The following KIAA0232 variants were observed in gnomAD, a reference collection of about 807,000 sequenced individuals.
KIAA0232 encodes KIAA0232, also known as uncharacterized protein KIAA0232.
In KIAA0232, 27 loss-of-function variants were observed where a neutral mutation model predicts 122.0. The observed-to-expected ratio is 0.22, with a 90% confidence interval of 0.16 to 0.31. The LOEUF is 0.31. KIAA0232 is among the 10% of genes least tolerant of loss of function. KIAA0232 has a pLI of 1.00. For missense variants in KIAA0232, 1,551 were observed against 1,634.2 expected, an observed-to-expected ratio of 0.95 and a Z score of 0.88; for synonymous variants, 613 against 587.6, an observed-to-expected ratio of 1.04 and a Z score of -0.63.
rs778787634 is a variant in KIAA0232 at position 6,861,349 on chromosome 4, C to G, written c.967C>G (p.Arg323Gly). The change falls in exon 7 of 10, where the codon CGA (arginine) becomes GGA (glycine). Residue 323 changes from arginine to glycine, a missense_variant. By Grantham distance (125) the Arg-to-Gly change is moderately radical (BLOSUM62 -2). Transcript: ENST00000307659. Reference sequence around the variant, plus strand: ...AGTAAGACACAAGGCACGAGAGATTCGAAACAAAAAAGGGCGGAATGGGCA... The same window carrying G: ...AGTAAGACACAAGGCACGAGAGATTGGAAACAAAAAAGGGCGGAATGGGCA... ...VKVRHKAREIRNKKGRNGQSR... is the reference protein window; with the variant it reads ...VKVRHKAREIGNKKGRNGQSR... 1.4e-5 allele frequency: 22 copies of G among 1,613,736 alleles called. No individual in the cohort carries two copies. The East Asian group carries it at 1.8e-4, about 13-fold the overall frequency.
chr4:6,794,751 G>A (rs952359544), intron 1 of KIAA0232, among the ~76,000 whole-genome samples: 1 of 152,182 alleles, frequency 6.6e-6, no homozygotes, highest in African/African-American at 2.4e-5. Flanking sequence ...GCTGATGGAC[G>A]AGATGTGGGA....
In KIAA0232 at chr4:6,862,302, A is replaced by G. The variant is rs1720920139; in HGVS notation, c.1920A>G (p.Glu640=). 1.5e-5 allele frequency: 24 copies of G among 1,614,088 alleles called. No homozygotes were observed. The highest frequency in any genetic ancestry group is 6.7e-5 in the Admixed American group (4 of 60,008). ...GNQELFSDIN[E]GSGINSCFSV... ...AAGAGCTCTTTTCAGATATTAATGAAGGATCTGGTATAAACTCTTGTTTTT... is the reference window on the plus strand; with the variant it reads ...AAGAGCTCTTTTCAGATATTAATGAGGGATCTGGTATAAACTCTTGTTTTT... Residue 640 remains glutamate (E), a synonymous_variant, in exon 7 of 10, where the codon GAA becomes GAG. Coordinates refer to ENST00000307659, the MANE Select transcript of KIAA0232 (RefSeq NM_014743.3).
At chr4:6,825,354 C>A (rs548888005) in intron 3 of KIAA0232, among the ~76,000 whole-genome samples, 1 of 152,198 alleles carries the variant, frequency 6.6e-6, no homozygotes, top group East Asian at 1.9e-4. Context: ...AGTTTGAGAC[C>A]AGCCTTGGCA....
At position 6,853,034 on chromosome 4, in the gene KIAA0232, A is replaced by T. The variant is rs1023335800; in HGVS notation, c.370-4130A>T. ...GTTACTTTCTGGAGAGATTAAGTAG[A>T]CAGCTTCTGGACTTTGGGATACTAG... is the stretch of plus-strand genomic sequence containing the variant. On this transcript the variant is annotated intron_variant, in intron 4 of 9. Coordinates refer to ENST00000307659, the MANE Select transcript of KIAA0232 (RefSeq NM_014743.3). 2.0e-5 allele frequency among the ~76,000 whole-genome samples: 3 copies of T among 152,200 alleles called. No homozygotes were observed. The South Asian group carries it at 6.2e-4, about 31-fold the overall frequency.
chr4:6,792,031 A>G (rs1396076185), intron 1 of KIAA0232, among the ~76,000 whole-genome samples: 2 of 152,138 alleles, frequency 1.3e-5, no homozygotes, highest in Admixed American at 1.3e-4. Flanking sequence ...TCCATGTAAG[A>G]GGTGACTTTG....
intron 9 of KIAA0232, among the ~76,000 whole-genome samples, chr4:6,878,379 T>TCATACATACATACATA (rs112843703): frequency 0.013 from 1,933 of 149,278 alleles, 25 homozygotes; most frequent in South Asian, 0.02. Context: ...CATCATTCAT[T>TCATACATACATACATA]CATACATACA....
intron 8 of KIAA0232, among the ~76,000 whole-genome samples, 186 bp from the exon 9 acceptor site, chr4:6,876,474 T>A (rs888046158): frequency 6.6e-6 from 1 of 151,930 alleles, no homozygotes; most frequent in South Asian, 2.1e-4. Flanking sequence ...CAGCATAGCG[T>A]TTTTTTTCTC....
At chr4:6,820,703 A>G (rs1051515471) in intron 2 of KIAA0232, among the ~76,000 whole-genome samples, 1 of 152,102 alleles carries the variant, frequency 6.6e-6, no homozygotes, top group Non-Finnish European at 1.5e-5. Flanking sequence ...TCTTTTAAAG[A>G]TATTTAAATA....
intron 1 of KIAA0232, among the ~76,000 whole-genome samples, chr4:6,787,735 T>G (rs1477039398): frequency 6.6e-6 from 1 of 152,152 alleles, no homozygotes; most frequent in Non-Finnish European, 1.5e-5. Context: ...TTTTTTCTGG[T>G]CTCTCCTCCT....
intron 8 of KIAA0232, among the ~76,000 whole-genome samples, chr4:6,876,411 TGG>T (rs919970104): frequency 6.6e-6 from 1 of 152,198 alleles, no homozygotes; most frequent in Non-Finnish European, 1.5e-5. Context: ...CAGGAGTGTA[TGG>T]TTATGCTGGC....
chr4:6,856,413 C>G (rs1428679806), intron 4 of KIAA0232, among the ~76,000 whole-genome samples: 2 of 152,148 alleles, frequency 1.3e-5, no homozygotes, highest in African/African-American at 4.8e-5. Context: ...AATTGAGACT[C>G]TTAAAAGTTA....
chr4:6,814,134 G>T (rs756962704), intron 2 of KIAA0232, among the ~76,000 whole-genome samples: 25 of 152,142 alleles, frequency 1.6e-4, no homozygotes, highest in Admixed American at 1.3e-4. Context: ...TGGGGATAAC[G>T]TAGTTTAAAT....
chr4:6,832,112 A>G (rs898569783), intron 3 of KIAA0232, among the ~76,000 whole-genome samples: 4 of 152,196 alleles, frequency 2.6e-5, no homozygotes, highest in Admixed American at 6.5e-5. Context: ...GCTGCCACCA[A>G]TTACTTTTTA....
chr4:6,807,175 T>C (rs1171233297), intron 2 of KIAA0232, among the ~76,000 whole-genome samples: 1 of 152,180 alleles, frequency 6.6e-6, no homozygotes, highest in Non-Finnish European at 1.5e-5. Flanking sequence ...GCTAGGATTA[T>C]AGGCACACAC....
chr4:6,800,771 CA>C (rs1325768872), intron 1 of KIAA0232, among the ~76,000 whole-genome samples: 1 of 151,964 alleles, frequency 6.6e-6, no homozygotes, highest in Non-Finnish European at 1.5e-5. Flanking sequence ...GCAGAAATGT[CA>C]TTTGGTAACA....
Position 6,824,639 on chromosome 4 carries a change from C to A in KIAA0232, c.186C>A (p.Leu62=), listed in dbSNP as rs377699002. 49 of 1,614,078 alleles carry A rather than the reference C, an allele frequency of 3.0e-5. No individual in the cohort carries two copies. Among genetic ancestry groups the A allele is most frequent in the Non-Finnish European group, 4.0e-5 (47 of 1,180,040 alleles). ...CCATGATTTACACTCGGTATGTCCT[C>A]AGTCTTCTGCTGCATGACAGCTATG... ...IDAMIYTRYV[L]SLLLHDSYDY... is the part of the protein sequence containing the mutation. Residue 62 remains leucine, a synonymous_variant, in exon 3 of 10, where the codon CTC becomes CTA. Transcript: ENST00000307659.
chr4:6,804,485 G>T (rs570095405), intron 1 of KIAA0232, 38 bp from the exon 2 acceptor site: 29 of 152,304 alleles, frequency 1.9e-4, no homozygotes, highest in African/African-American at 7.0e-4. Flanking sequence ...TGGTAGGTAC[G>T]TCTTTGATAC....
chr4:6,842,099 A>G lies in KIAA0232; in HGVS notation c.264A>G (p.Gly88=). 6.2e-7 allele frequency: 1 copy of G among 1,613,642 alleles called. No homozygotes were observed. Residue 88 remains glycine (G), a synonymous_variant, in exon 4 of 10, where the codon GGA becomes GGG. Transcript: ENST00000307659. ...ACATCTTCCTGGGCTGGGAAAAAGG[A>G]GCTTATAAGAAATGGGGAAAGAGTA... ...ENDIFLGWEK[G]AYKKWGKSKK... is the part of the protein sequence containing the mutation.
chr4:6,798,883 A>G (rs1717252208), intron 1 of KIAA0232, among the ~76,000 whole-genome samples: 1 of 152,162 alleles, frequency 6.6e-6, no homozygotes, highest in Non-Finnish European at 1.5e-5. Context: ...TAAAAGTTGC[A>G]CGAGAAGAAA....
Sources: gnomAD v4.1 joint callset for allele counts (sites outside exome capture counted in the v4.1 genomes callset) on GRCh38, gnomAD v4.1.1 for gene constraint, MANE v1.5 for transcripts, NCBI Gene and HGNC (gene_info 2026-07-23, HGNC 2026-07-21) for gene names.